The following EHMT1 variants were observed in gnomAD, a reference collection of about 807,000 sequenced individuals.
EHMT1 encodes the protein euchromatic histone lysine methyltransferase 1.
A neutral mutation model predicts 147.2 loss-of-function variants in EHMT1; 15 were observed. That is an observed-to-expected ratio of 0.10 (90% CI 0.07 to 0.16). EHMT1 has a LOEUF of 0.16. Among genes scored for constraint, EHMT1 ranks in the 10% least tolerant of loss-of-function variants. The pLI, the probability that EHMT1 is intolerant of heterozygous loss-of-function variation, is 1.00. For synonymous variants in EHMT1, 795 were observed against 709.6 expected, an observed-to-expected ratio of 1.12 and a Z score of -1.91; for missense variants, 1,587 against 1,772.4, an observed-to-expected ratio of 0.90 and a Z score of 1.88.
intron 1 of EHMT1, among the ~76,000 whole-genome samples, chr9:137,700,997 T>C (rs1333645290): frequency 6.6e-6 from 1 of 152,130 alleles, no homozygotes; most frequent in Admixed American, 6.5e-5. Context: ...GCGGAAGGCC[T>C]AGGAGAAGCA....
At chr9:137,792,823 T>A (rs2137149892) in intron 16 of EHMT1, among the ~76,000 whole-genome samples, 1 of 152,322 alleles carries the variant, frequency 6.6e-6, no homozygotes, top group South Asian at 2.1e-4. Context: ...AATGATTTCT[T>A]GGATATGATA....
chr9:137,645,908 G>A (rs1340301116), intron 1 of EHMT1, among the ~76,000 whole-genome samples: 1 of 151,630 alleles, frequency 6.6e-6, no homozygotes, highest in African/African-American at 2.4e-5. Context: ...TGTTGATAAT[G>A]TTTTGGATCT....
At chr9:137,765,719 C>T (rs1281421778) in intron 10 of EHMT1, among the ~76,000 whole-genome samples, 8 of 150,426 alleles carry the variant, frequency 5.3e-5, no homozygotes, top group East Asian at 2.0e-4. Flanking sequence ...CCGGCAGCCC[C>T]GCCCAGCAGC....
chr9:137,667,468 G>T (rs1317193624), intron 1 of EHMT1: 2 of 152,408 alleles, frequency 1.3e-5, no homozygotes, highest in Non-Finnish European at 2.9e-5. Context: ...TCTGTGGAGA[G>T]GGTGGCTTGA....
chr9:137,700,275 C>T lies in EHMT1; in HGVS notation c.22-10692C>T, dbSNP rs78742619. Among the ~76,000 whole-genome samples, 460 of 152,276 alleles carry T rather than the reference C, an allele frequency of 3.0e-3. 14 individuals carry two copies. In the East Asian group the frequency reaches 0.064, roughly 21 times the overall value. On this transcript the variant is annotated intron_variant, in intron 1 of 26. Coordinates refer to ENST00000460843, the MANE Select transcript of EHMT1 (RefSeq NM_024757.5). ...TGACAGCCTGTAGTGCCCACCTCCC[C>T]GGGAGCTGCTTGTGTACTTGGCCTC... is the stretch of plus-strand genomic sequence containing the variant.
chr9:137,619,061 G>A lies in EHMT1; in HGVS notation c.21+12G>A. The stretch of plus-strand genomic sequence containing the variant: ...CCGCCGATGCCGAGGTGAGCAGCGG[G>A]GCCGGCGGGGGGCGGCGCGGGGGCG... On this transcript the variant is annotated intron_variant, in intron 1 of 26. Coordinates refer to ENST00000460843, the MANE Select transcript of EHMT1 (RefSeq NM_024757.5). 1.1e-6 allele frequency: 1 copy of A among 909,298 alleles called. No homozygotes were observed. 56.3% of individuals were successfully genotyped at this position (909,298 alleles called of 1,614,324 possible). A position where few individuals can be genotyped will look rare whatever the true frequency, so the allele number is the denominator to read the frequency against.
chr9:137,652,041 G>A (rs1937896348), intron 1 of EHMT1, among the ~76,000 whole-genome samples: 2 of 152,142 alleles, frequency 1.3e-5, no homozygotes. Context: ...ATTGTAGAGT[G>A]TACTCCTACT....
At chr9:137,656,470 T>C (rs563604117) in intron 1 of EHMT1, among the ~76,000 whole-genome samples, 1 of 152,308 alleles carries the variant, frequency 6.6e-6, no homozygotes, top group South Asian at 2.1e-4. Context: ...ACACTTAGAT[T>C]TCGAAGTTTC....
At chr9:137,704,948 A>T (rs1161348892) in intron 1 of EHMT1, among the ~76,000 whole-genome samples, 15 of 90,402 alleles carry the variant, frequency 1.7e-4, no homozygotes, top group African/African-American at 3.6e-4. Context: ...TCCCTTCTTT[A>T]TCCCCTCCCC....
At chr9:137,640,532 C>G (rs1844409421) in intron 1 of EHMT1, among the ~76,000 whole-genome samples, 1 of 152,206 alleles carries the variant, frequency 6.6e-6, no homozygotes, top group African/African-American at 2.4e-5. Context: ...CCATCTTGGT[C>G]TCCCAAAGTG....
rs950393687 is a variant in EHMT1, at chr9:137,751,206, C to T, written c.1171-1125C>T. 2.0e-4 allele frequency among the ~76,000 whole-genome samples: 30 copies of T among 152,226 alleles called. No individual in the cohort carries two copies. In the East Asian group the frequency reaches 2.5e-3, roughly 13 times the overall value. On this transcript the variant is annotated intron_variant, in intron 6 of 26. Transcript: ENST00000460843. ...TGTTTTTTCCAATCTCAAATGAGGA[C>T]GTTCTTCTAGTGTAAGACACAAACC...
At chr9:137,805,374 G>A (rs370043400) in intron 18 of EHMT1, among the ~76,000 whole-genome samples, 1 of 152,076 alleles carries the variant, frequency 6.6e-6, no homozygotes, top group Non-Finnish European at 1.5e-5. Context: ...TCAGTCATCC[G>A]CATGTGTGAG....
intron 1 of EHMT1, among the ~76,000 whole-genome samples, chr9:137,652,953 C>T (rs1938021676): frequency 6.6e-6 from 1 of 151,780 alleles, no homozygotes; most frequent in South Asian, 2.1e-4. Context: ...GTCTTGAACT[C>T]CTGACCTCAG....
At chr9:137,641,476 C>T (rs187518454) in intron 1 of EHMT1, 18 of 464,188 alleles carry the variant, frequency 3.9e-5, no homozygotes, top group Admixed American at 3.7e-4. Flanking sequence ...GCAGTGCAGA[C>T]GCTTGTGGAT....
intron 1 of EHMT1, among the ~76,000 whole-genome samples, chr9:137,669,325 C>T (rs1940139706): frequency 2.2e-5 from 3 of 135,488 alleles, no homozygotes; most frequent in Non-Finnish European, 4.7e-5. Context: ...AAAGACGCCC[C>T]CACAGCACGT....
chr9:137,678,248 C>T (rs1941580013), intron 1 of EHMT1, among the ~76,000 whole-genome samples: 1 of 151,952 alleles, frequency 6.6e-6, no homozygotes, highest in South Asian at 2.1e-4. Context: ...TTTTTTCTCT[C>T]CTGATGACAC....
intron 1 of EHMT1, among the ~76,000 whole-genome samples, chr9:137,628,811 C>T (rs1263978684): frequency 6.6e-6 from 1 of 152,206 alleles, no homozygotes; most frequent in African/African-American, 2.4e-5. Flanking sequence ...CACACGTGGC[C>T]AGAGCCAGAG....
intron 1 of EHMT1, among the ~76,000 whole-genome samples, chr9:137,696,949 A>G (rs1943442243): frequency 6.6e-6 from 1 of 152,146 alleles, no homozygotes; most frequent in African/African-American, 2.4e-5. Context: ...ACCCAGAGGC[A>G]CAGGACCCCA....
chr9:137,818,014 G>T (rs1287637677), intron 24 of EHMT1, 46 bp from the exon 25 acceptor site: 2 of 1,597,430 alleles, frequency 1.3e-6, no homozygotes, highest in Non-Finnish European at 1.7e-6. Context: ...TCTGTGGGCA[G>T]TGCTCGCTGC....
Sources: gnomAD v4.1 joint callset for allele counts (sites outside exome capture counted in the v4.1 genomes callset) on GRCh38, gnomAD v4.1.1 for gene constraint, MANE v1.5 for transcripts, NCBI Gene and HGNC (gene_info 2026-07-23, HGNC 2026-07-21) for gene names.